Variants in ANKRD30A observed in about 807,000 individuals in gnomAD.
The protein encoded by ANKRD30A is ankyrin repeat domain 30A, also known as ankyrin repeat domain-containing protein 30A.
Under a neutral mutation model 166.3 loss-of-function variants are expected in ANKRD30A, and 170 were observed. The observed-to-expected ratio is 1.02, with a 90% CI of 0.90 to 1.16. ANKRD30A has a LOEUF of 1.16. Among genes scored for constraint, ANKRD30A ranks in the 50% most tolerant of loss-of-function variants. The probability of loss-of-function intolerance (pLI) is 0.00; values close to 1 mark genes in which losing one functional copy is unlikely to be tolerated. For missense variants in ANKRD30A, 1,630 were observed against 1,518.0 expected, an observed-to-expected ratio of 1.07 and a Z score of -1.23; for synonymous variants, 564 against 508.9, an observed-to-expected ratio of 1.11 and a Z score of -1.46.
At chr10:37,144,099 C>G (rs933166135) in intron 7 of ANKRD30A, among the ~76,000 whole-genome samples, 7 of 151,742 alleles carry the variant, frequency 4.6e-5, no homozygotes, top group African/African-American at 1.2e-4. Context: ...TAAAAATAAC[C>G]GTAGTAATTG....
In ANKRD30A at chr10:37,153,661, A is replaced by T; in HGVS notation, c.1797A>T (p.Glu599Asp). The T allele has an allele frequency of 3.7e-6, 6 of 1,611,074 alleles. No homozygotes were observed. The highest frequency in any genetic ancestry group is 5.1e-6 in the Non-Finnish European group (6 of 1,179,330). Reference protein sequence around the residue: ...KEIDKINGKLEESPNKDGLLK... With the variant: ...KEIDKINGKLDESPNKDGLLK... ...TAGATAAAATAAATGGAAAATTAGA[A>T]GGTAAGAACCGTTTTTTATTTAAAA... Residue 599 changes from glutamate to aspartate, a missense_variant and splice_region_variant, in exon 13 of 36, where the codon GAA (glutamate) becomes GAT (aspartate). Physicochemically the swap from Glu to Asp is conservative, Grantham distance 45 (BLOSUM62 2). Transcript: ENST00000361713.
chr10:37,183,304 CA>C (rs1318653494), intron 24 of ANKRD30A, among the ~76,000 whole-genome samples: 1 of 145,552 alleles, frequency 6.9e-6, no homozygotes, highest in Non-Finnish European at 1.5e-5. Context: ...TAGAAAATAT[CA>C]GTAAATAGGA....
chr10:37,243,374 G>T, the ANKRD30A span, among the ~76,000 whole-genome samples: 8 of 149,606 alleles, frequency 5.3e-5, no homozygotes, highest in Non-Finnish European at 1.5e-5. Context: ...TGGATCTCCT[G>T]ACCTCGTGAT....
Position 37,162,546 on chromosome 10 carries a change from C to G in ANKRD30A, c.1901-103C>G. ...TTCCAAATCTAAAGTATTCATTCTCCAATTGGAGCAAGAGGAGTCAGTTAA... is the reference window on the plus strand; with the variant it reads ...TTCCAAATCTAAAGTATTCATTCTCGAATTGGAGCAAGAGGAGTCAGTTAA... On this transcript the variant is annotated intron_variant, in intron 15 of 35. Transcript: ENST00000361713. The G allele has an allele frequency of 6.2e-6, 9 of 1,458,586 alleles. No homozygotes were observed. In the South Asian group the frequency reaches 1.0e-4, roughly 17 times the overall value. 90.4% of individuals were successfully genotyped at this position (1,458,586 alleles called of 1,614,324 possible). A position where few individuals can be genotyped will look rare whatever the true frequency, so the allele number is the denominator to read the frequency against.
At chr10:37,260,710 G>A in the ANKRD30A span, among the ~76,000 whole-genome samples, 85 of 152,150 alleles carry the variant, frequency 5.6e-4, no homozygotes, top group Admixed American at 5.2e-4. Context: ...AGATATGTGT[G>A]TATAGCAGCT....
chr10:37,210,102 ACCCCTCCCCCAG>A (rs1023418337), intron 31 of ANKRD30A, among the ~76,000 whole-genome samples: 1 of 151,712 alleles, frequency 6.6e-6, no homozygotes, highest in African/African-American at 2.4e-5. Context: ...TCCTAATGCT[ACCCCTCCCCCAG>A]CCCCTCATCC....
At chr10:37,158,708 A>G (rs1588825945) in intron 15 of ANKRD30A, 122 bp downstream of exon 15, 1 of 1,380,784 alleles carries the variant, frequency 7.2e-7, no homozygotes, top group East Asian at 2.4e-5. Context: ...TTTTGATACA[A>G]TAATGCCAAT....
At chr10:37,154,544 G>T (rs898582862) in intron 13 of ANKRD30A, among the ~76,000 whole-genome samples, 2 of 152,076 alleles carry the variant, frequency 1.3e-5, no homozygotes, top group African/African-American at 2.4e-5. Flanking sequence ...CAGGGGAGAA[G>T]AAGAAAGGGG....
At position 37,213,866 on chromosome 10, in the gene ANKRD30A, T is replaced by C. The variant is rs531749150; in HGVS notation, c.2870-2315T>C. On this transcript the variant is annotated intron_variant, in intron 31 of 35. Coordinates refer to ENST00000361713, the MANE Select transcript of ANKRD30A (RefSeq NM_052997.3). Reference sequence around the variant, plus strand: ...TGCTTTTGGGTCAGGTAACATGTTTTGTATGACTTAAATCCTTCTTAATCC... The same window carrying C: ...TGCTTTTGGGTCAGGTAACATGTTTCGTATGACTTAAATCCTTCTTAATCC... Among the ~76,000 whole-genome samples, 44 of 151,734 alleles carry C rather than the reference T, an allele frequency of 2.9e-4. No homozygotes were observed. The South Asian group carries it at 9.1e-3, about 31-fold the overall frequency.
intron 25 of ANKRD30A, among the ~76,000 whole-genome samples, chr10:37,191,333 C>T (rs1840560663): frequency 6.6e-6 from 1 of 151,904 alleles, no homozygotes; most frequent in African/African-American, 2.4e-5. Context: ...CTGATCAATT[C>T]ATAACACTTT....
chr10:37,193,129 A>G (rs955967066), intron 26 of ANKRD30A, 37 bp downstream of exon 26: 8 of 1,600,548 alleles, frequency 5.0e-6, no homozygotes, highest in Non-Finnish European at 6.8e-6. Context: ...AGTATTAACT[A>G]CATATTTTAT....
chr10:37,221,345 A>G (rs564472198), intron 34 of ANKRD30A, among the ~76,000 whole-genome samples: 3 of 151,262 alleles, frequency 2.0e-5, no homozygotes, highest in Non-Finnish European at 3.0e-5. Flanking sequence ...GACAACTTCA[A>G]AAAAACTTGG....
chr10:37,215,700 G>A (rs915266058), intron 31 of ANKRD30A, among the ~76,000 whole-genome samples: 3 of 151,398 alleles, frequency 2.0e-5, no homozygotes, highest in African/African-American at 7.3e-5. Context: ...TGTATTTTGT[G>A]TGTTTTCTTT....
intron 34 of ANKRD30A, among the ~76,000 whole-genome samples, chr10:37,224,217 T>C (rs11011071): frequency 0.043 from 6,444 of 151,286 alleles, 212 homozygotes; most frequent in South Asian, 0.061. Flanking sequence ...CTGAAGATAT[T>C]TTTGTTTGTA....
At chr10:37,247,362 A>G in the ANKRD30A span, among the ~76,000 whole-genome samples, 1 of 152,136 alleles carries the variant, frequency 6.6e-6, no homozygotes, top group Non-Finnish European at 1.5e-5. Flanking sequence ...TGGCCAATAA[A>G]ATATTTATGA....
At chr10:37,197,972 G>A (rs188882466) in intron 29 of ANKRD30A, among the ~76,000 whole-genome samples, 142 of 152,050 alleles carry the variant, frequency 9.3e-4, no homozygotes, top group South Asian at 1.7e-3. Flanking sequence ...GTGTGTCTGC[G>A]TGTGTGCCTG....
chr10:37,228,143 A>G (rs1843247778), intron 34 of ANKRD30A, among the ~76,000 whole-genome samples: 1 of 151,996 alleles, frequency 6.6e-6, no homozygotes, highest in Non-Finnish European at 1.5e-5. Flanking sequence ...TCAAAGAAAA[A>G]GTTTCAGAAG....
the ANKRD30A span, among the ~76,000 whole-genome samples, chr10:37,248,526 A>G: frequency 3.3e-5 from 5 of 152,042 alleles, no homozygotes; most frequent in African/African-American, 1.2e-4. Flanking sequence ...AGCAGCCCCC[A>G]TGGTCCAAGT....
chr10:37,261,673 T>C, the ANKRD30A span, among the ~76,000 whole-genome samples: 1 of 152,228 alleles, frequency 6.6e-6, no homozygotes, highest in Non-Finnish European at 1.5e-5. Context: ...GTTTGCTTCA[T>C]TTAGACAGAC....
Sources: allele counts gnomAD v4.1 joint callset (sites outside exome capture counted in the v4.1 genomes callset), GRCh38; gene constraint gnomAD v4.1.1; transcripts MANE v1.5; gene names NCBI Gene and HGNC (gene_info 2026-07-23, HGNC 2026-07-21).